The following PPM1A variants were observed in gnomAD, a reference collection of about 807,000 sequenced individuals.
The protein encoded by PPM1A is protein phosphatase 1A.
PPM1A carries 7 observed loss-of-function variants against 35.0 expected under a neutral mutation model. The ratio of observed to expected loss-of-function variants is 0.20; its 90% CI spans 0.11 to 0.38. The LOEUF (loss-of-function observed/expected upper bound fraction) is 0.38. PPM1A is among the 10% of genes least tolerant of loss of function. The probability of loss-of-function intolerance (pLI) is 1.00; values close to 1 mark genes in which losing one functional copy is unlikely to be tolerated. For missense variants in PPM1A, 239 were observed against 467.8 expected (o/e 0.51, Z 4.51); for synonymous variants, 153 against 167.3 (o/e 0.91, Z 0.66).
intron 3 of PPM1A, chr14:60,287,662 C>T (rs975395533): frequency 6.3e-5 from 62 of 985,078 alleles, no homozygotes; most frequent in East Asian, 1.1e-4. Flanking sequence ...CTGTCCACAC[C>T]ATAGAAAAGG....
At chr14:60,270,456 T>C (rs966521816) in intron 1 of PPM1A, among the ~76,000 whole-genome samples, 1 of 152,144 alleles carries the variant, frequency 6.6e-6, no homozygotes, top group Non-Finnish European at 1.5e-5. Flanking sequence ...ATGGGTTCTA[T>C]AAATTTTTTT....
chr14:60,283,627 G>GGGTGGCTC lies in PPM1A; in HGVS notation c.834+90_834+91insGGTGGCTC. 7.2e-7 allele frequency: 1 copy of GGGTGGCTC among 1,383,150 alleles called. No homozygotes were observed. Among genetic ancestry groups the GGGTGGCTC allele is most frequent in the Non-Finnish European group, 9.7e-7 (1 of 1,029,606 alleles). The allele number at this position is 1,383,150 out of a possible 1,614,324, so 85.7% of individuals were successfully genotyped here. A position where few individuals can be genotyped will look rare whatever the true frequency, so the allele number is the denominator to read the frequency against. ...TAATCATCTTAGAATCTGTAATTCT[G>GGGTGGCTC]AAACCAGTTTTTGGCACAACTGTAG... On this transcript the variant is annotated intron_variant, in intron 2 of 5. Transcript: ENST00000395076. The surrounding 1 kb of genome is among the most constrained non-coding windows in gnomAD (Gnocchi z 6.3).
chr14:60,246,168 G>A, upstream of PPM1A: 1 of 967,624 alleles, frequency 1.0e-6, no homozygotes, highest in Non-Finnish European at 1.5e-6. Flanking sequence ...CCTCCTGAGG[G>A]GGTCATTTAC....
rs1463128569 is a variant in PPM1A at position 60,289,577 on chromosome 14, T to C, written c.953-229T>C. 6.6e-6 allele frequency among the ~76,000 whole-genome samples: 1 copy of C among 152,184 alleles called. No homozygotes were observed. Among genetic ancestry groups the C allele is most frequent in the Non-Finnish European group, 1.5e-5 (1 of 68,036 alleles). On this transcript the variant is annotated intron_variant, in intron 3 of 5. Coordinates refer to ENST00000395076, the MANE Select transcript of PPM1A (RefSeq NM_021003.5). This position sits in a 1 kb window ranked among gnomAD's most constrained non-coding sequence, Gnocchi z 4.1. Reference sequence around the variant, plus strand: ...TATGCTGATTTAACATGAAATATTTTTTCACATTTTAATTTTGATTTGAAG... The same window carrying C: ...TATGCTGATTTAACATGAAATATTTCTTCACATTTTAATTTTGATTTGAAG...
At chr14:60,245,981 G>C (rs1357153629), upstream of PPM1A, 4 of 1,578,746 alleles carry the variant, frequency 2.5e-6, no homozygotes, top group Admixed American at 7.4e-5. This position sits in a 1 kb window ranked among gnomAD's most constrained non-coding sequence, Gnocchi z 4.2. Context: ...GGAGGAGAGA[G>C]AAGGAGAAAT....
At position 60,291,494 on chromosome 14, in the gene PPM1A, C is replaced by T. The variant is rs200108587; in HGVS notation, c.1119+40C>T. On this transcript the variant is annotated intron_variant, in intron 5 of 5. Transcript: ENST00000395076. ...AGCTCCCTCTGCTTTCCCTTCCCCT[C>T]CACTCTAAATGCATATCCTTCCTAC... The T allele has an allele frequency of 3.4e-6, 5 of 1,491,122 alleles. No individual in the cohort carries two copies. The East Asian group carries it at 1.2e-4, about 35-fold the overall frequency. 92.4% of individuals were successfully genotyped at this position (1,491,122 alleles called of 1,614,324 possible). A position where few individuals can be genotyped will look rare whatever the true frequency, so the allele number is the denominator to read the frequency against.
At chr14:60,288,283 AT>A in intron 3 of PPM1A, 9 of 962,366 alleles carry the variant, frequency 9.4e-6, no homozygotes, top group Non-Finnish European at 1.1e-5. Context: ...TCAAATATAG[AT>A]GATTCAAGGT....
chr14:60,269,028 T>A (rs1884752308), intron 1 of PPM1A, among the ~76,000 whole-genome samples: 1 of 151,962 alleles, frequency 6.6e-6, no homozygotes, highest in African/African-American at 2.4e-5. Context: ...ATCCAATAAT[T>A]ATTTGATTTT....
At chr14:60,284,641 C>CA (rs766936496) in intron 2 of PPM1A, among the ~76,000 whole-genome samples, 3,405 of 77,902 alleles carry the variant, frequency 0.044, 143 homozygotes, top group African/African-American at 0.13. Context: ...GACTCCGTCT[C>CA]AAAAAAAAAA....
chr14:60,265,623 A>G (rs1884284537), intron 1 of PPM1A, among the ~76,000 whole-genome samples: 2 of 152,244 alleles, frequency 1.3e-5, no homozygotes, highest in Non-Finnish European at 2.9e-5. Context: ...TTGTGTTGCT[A>G]TCACAGAATA....
At chr14:60,279,523 C>CG (rs1886147811) in intron 1 of PPM1A, among the ~76,000 whole-genome samples, 1 of 152,112 alleles carries the variant, frequency 6.6e-6, no homozygotes, top group African/African-American at 2.4e-5. Flanking sequence ...ATTTTTAAAA[C>CG]GTTGTTTTGA....
intron 1 of PPM1A, among the ~76,000 whole-genome samples, chr14:60,256,300 G>T (rs1266255037): frequency 6.6e-6 from 1 of 152,070 alleles, no homozygotes; most frequent in Non-Finnish European, 1.5e-5. Context: ...GGGCATGGTG[G>T]CCACCCGCCT....
At chr14:60,256,564 C>T (rs1883160194) in intron 1 of PPM1A, among the ~76,000 whole-genome samples, 1 of 152,166 alleles carries the variant, frequency 6.6e-6, no homozygotes, top group Non-Finnish European at 1.5e-5. Context: ...CCTCTTGATA[C>T]TTTGTGTTCC....
intron 2 of PPM1A, among the ~76,000 whole-genome samples, chr14:60,284,086 C>G (rs530737683): frequency 7.9e-5 from 12 of 152,308 alleles, no homozygotes; most frequent in Admixed American, 5.9e-4. Context: ...AAACTCTAAT[C>G]AGTTTTTTTC....
intron 1 of PPM1A, among the ~76,000 whole-genome samples, chr14:60,254,317 G>C (rs1882788609): frequency 6.6e-6 from 1 of 152,114 alleles, no homozygotes. Flanking sequence ...GCTTTATTTG[G>C]CTCTGCAAAG....
intron 3 of PPM1A, chr14:60,286,637 A>G (rs1377360592): frequency 1.0e-6 from 1 of 985,152 alleles, no homozygotes; most frequent in Non-Finnish European, 1.2e-6. Flanking sequence ...TACCACACCT[A>G]CATCCCACTG....
At position 60,298,186 on chromosome 14, in the gene PPM1A, G is replaced by C. The variant is rs1183018078; in HGVS notation, c.*5704G>C. On this transcript the variant is annotated 3_prime_UTR_variant, in exon 6 of 6. Transcript: ENST00000395076. ...GCCACTTTAGAAATTCAACAGAAAA[G>C]AGGTAAAACAGAAATGGAATGTATC... The C allele has an allele frequency of 6.6e-6, 1 of 151,650 alleles. No homozygotes were observed. Among genetic ancestry groups the C allele is most frequent in the Non-Finnish European group, 1.5e-5 (1 of 67,676 alleles). The allele number at this position is 151,650 out of a possible 1,614,324, so 9.4% of individuals were successfully genotyped here. A position where few individuals can be genotyped will look rare whatever the true frequency, so the allele number is the denominator to read the frequency against.
Position 60,298,176 on chromosome 14 carries a change from C to A in PPM1A, c.*5694C>A, listed in dbSNP as rs1888205454. The stretch of plus-strand genomic sequence containing the variant: ...TCTAAGATTTGCCACTTTAGAAATT[C>A]AACAGAAAAGAGGTAAAACAGAAAT... On this transcript the variant is annotated 3_prime_UTR_variant, in exon 6 of 6. Transcript: ENST00000395076. 6.6e-6 allele frequency: 1 copy of A among 151,376 alleles called. No individual in the cohort carries two copies. The highest frequency in any genetic ancestry group is 6.6e-5 in the Admixed American group (1 of 15,168). 9.4% of individuals were successfully genotyped at this position (151,376 alleles called of 1,614,324 possible).
At chr14:60,257,686 T>C (rs1883293124) in intron 1 of PPM1A, among the ~76,000 whole-genome samples, 1 of 152,242 alleles carries the variant, frequency 6.6e-6, no homozygotes. Context: ...GTACTACCTT[T>C]TTCTTTATCA....
Sources: allele counts gnomAD v4.1 joint callset (sites outside exome capture counted in the v4.1 genomes callset), GRCh38; gene constraint gnomAD v4.1.1; non-coding constraint Gnocchi (gnomAD v3.1); transcripts MANE v1.5; gene names NCBI Gene and HGNC (gene_info 2026-07-23, HGNC 2026-07-21).